SND1: variants seen among roughly 807,000 people sequenced by gnomAD.
SND1 encodes staphylococcal nuclease domain-containing protein 1.
Under a neutral mutation model 121.7 loss-of-function variants are expected in SND1, and 38 were observed. That is an observed-to-expected ratio of 0.31 (90% CI 0.24 to 0.41). The LOEUF (loss-of-function observed/expected upper bound fraction) is 0.41. SND1 is among the 10% of genes least tolerant of loss of function. The pLI is 1.00. For synonymous variants in SND1, 401 were observed against 447.4 expected, an observed-to-expected ratio of 0.90 and a Z score of 1.31; for missense variants, 868 against 1,184.6, an observed-to-expected ratio of 0.73 and a Z score of 3.92.
At chr7:127,980,109 CTTTTTTTTTTTT>C (rs1049614462) in intron 15 of SND1, among the ~76,000 whole-genome samples, 2 of 58,648 alleles carry the variant, frequency 3.4e-5, no homozygotes, top group Admixed American at 1.7e-4. Context: ...TATTCTTTTT[CTTTTTTTTTTTT>C]TTTTTTTTTG....
intron 15 of SND1, among the ~76,000 whole-genome samples, chr7:127,959,225 G>T (rs536930664): frequency 1.3e-5 from 2 of 152,140 alleles, no homozygotes; most frequent in Non-Finnish European, 2.9e-5. Context: ...CTAGACGTCC[G>T]CTGGCAGTCT....
chr7:127,666,252 C>T (rs1216880487), intron 1 of SND1, among the ~76,000 whole-genome samples: 1 of 152,144 alleles, frequency 6.6e-6, no homozygotes, highest in African/African-American at 2.4e-5. Flanking sequence ...ACAAGTAAGG[C>T]GATGTGGGGC....
intron 12 of SND1, among the ~76,000 whole-genome samples, chr7:127,852,674 G>A (rs1406072599): frequency 1.3e-5 from 2 of 152,126 alleles, no homozygotes; most frequent in South Asian, 2.1e-4. Flanking sequence ...AGCTGGGTGT[G>A]GTGGCGCACG....
chr7:127,854,184 G>T (rs1197449467), intron 12 of SND1, among the ~76,000 whole-genome samples: 3 of 152,186 alleles, frequency 2.0e-5, no homozygotes, highest in Non-Finnish European at 4.4e-5. Flanking sequence ...GAGTGCAGGG[G>T]TGTGATCTCA....
At chr7:128,040,458 A>AAG in intron 16 of SND1, among the ~76,000 whole-genome samples, 1 of 148,698 alleles carries the variant, frequency 6.7e-6, no homozygotes, top group Non-Finnish European at 1.5e-5. Flanking sequence ...AAAAAAAAAA[A>AAG]AAAAAAAAGA....
chr7:127,856,550 T>G (rs1373628065), intron 12 of SND1, among the ~76,000 whole-genome samples: 4 of 152,150 alleles, frequency 2.6e-5, no homozygotes, highest in Non-Finnish European at 5.9e-5. Context: ...GTATGTATGG[T>G]AGGATTGGGA....
chr7:127,702,283 T>C (rs1796118470), intron 5 of SND1, 152 bp from the exon 6 acceptor site: 2 of 659,298 alleles, frequency 3.0e-6, no homozygotes, highest in Admixed American at 4.5e-5. Flanking sequence ...ATGTAAACTC[T>C]CATGATCTGC....
At chr7:127,913,234 C>G (rs1002274187) in intron 14 of SND1, among the ~76,000 whole-genome samples, 2 of 152,192 alleles carry the variant, frequency 1.3e-5, no homozygotes, top group African/African-American at 4.8e-5. Flanking sequence ...TAGCATGTCA[C>G]TGTCGTGGAT....
chr7:128,032,352 C>G (rs1208077925), intron 16 of SND1, among the ~76,000 whole-genome samples: 1 of 151,472 alleles, frequency 6.6e-6, no homozygotes, highest in Non-Finnish European at 1.5e-5. Flanking sequence ...TCCCCGCCCC[C>G]TCTAGACGAG....
chr7:127,880,014 A>G (rs530868195), intron 12 of SND1, among the ~76,000 whole-genome samples: 1 of 152,324 alleles, frequency 6.6e-6, no homozygotes, highest in South Asian at 2.1e-4. Context: ...ATGATCAACC[A>G]CAGTCTGAAA....
At chr7:128,076,835 A>G (rs1001783994) in intron 17 of SND1, among the ~76,000 whole-genome samples, 10 of 152,100 alleles carry the variant, frequency 6.6e-5, no homozygotes, top group Admixed American at 6.5e-4. Context: ...TGTCTGGGGG[A>G]ATCTGAGAAT....
chr7:127,711,898 A>G lies in SND1; in HGVS notation c.1038+4251A>G, dbSNP rs1198404680. Among the ~76,000 whole-genome samples the G allele has an allele frequency of 4.0e-5, 6 of 150,440 alleles. No individual in the cohort carries two copies. The East Asian group carries it at 1.2e-3, about 29-fold the overall frequency. On this transcript the variant is annotated intron_variant, in intron 9 of 23. Transcript: ENST00000354725. ...ACTATTTTAAAAAATAAAGTTTTAT[A>G]CTGACTTCAGAGATAAAAATCATCT...
chr7:127,675,841 A>T (rs1436325527), intron 1 of SND1, among the ~76,000 whole-genome samples: 2 of 152,168 alleles, frequency 1.3e-5, no homozygotes, highest in East Asian at 3.8e-4. Flanking sequence ...ATGTGCGGTT[A>T]GTTCTTCCTG....
intron 11 of SND1, among the ~76,000 whole-genome samples, chr7:127,827,487 T>A (rs1205198474): frequency 6.6e-6 from 1 of 152,210 alleles, no homozygotes; most frequent in African/African-American, 2.4e-5. Context: ...TTGTTTAGCT[T>A]CTGTGAATGA....
At chr7:127,671,525 C>A (rs922962279) in intron 1 of SND1, among the ~76,000 whole-genome samples, 1 of 152,176 alleles carries the variant, frequency 6.6e-6, no homozygotes, top group Non-Finnish European at 1.5e-5. Flanking sequence ...GAGATGGAGT[C>A]TTGCTATGTT....
chr7:127,841,151 C>T (rs564060689), intron 11 of SND1, among the ~76,000 whole-genome samples: 26 of 152,278 alleles, frequency 1.7e-4, no homozygotes, highest in Non-Finnish European at 2.2e-4. Context: ...TTAGCTCTCT[C>T]TCTGGGTTGA....
chr7:127,715,272 C>T (rs999889979), intron 9 of SND1, among the ~76,000 whole-genome samples: 5 of 151,844 alleles, frequency 3.3e-5, no homozygotes, highest in African/African-American at 9.7e-5. Context: ...TTTTCCTGTG[C>T]ATTTGCATAT....
At position 128,078,322 on chromosome 7, in the gene SND1, G is replaced by T. The variant is rs1237873416; in HGVS notation, c.1969-3038G>T. Among the ~76,000 whole-genome samples, 3 of 152,362 alleles carry T rather than the reference G, an allele frequency of 2.0e-5. No homozygotes were observed. The East Asian group carries it at 5.8e-4, about 29-fold the overall frequency. Reference sequence around the variant, plus strand: ...GGGAACCGTCATGGCTGCACTGCCTGAAGGGCCAAAGGTCAGCCTCTCCTA... The same window carrying T: ...GGGAACCGTCATGGCTGCACTGCCTTAAGGGCCAAAGGTCAGCCTCTCCTA... On this transcript the variant is annotated intron_variant, in intron 17 of 23. Coordinates refer to ENST00000354725, the MANE Select transcript of SND1 (RefSeq NM_014390.4).
chr7:127,932,545 T>A (rs1385673351), intron 15 of SND1, among the ~76,000 whole-genome samples: 1 of 152,228 alleles, frequency 6.6e-6, no homozygotes, highest in Non-Finnish European at 1.5e-5. Flanking sequence ...GCATCAGGGT[T>A]TGAGAGAATG....
Sources: gnomAD v4.1 joint callset for allele counts (sites outside exome capture counted in the v4.1 genomes callset) on GRCh38, gnomAD v4.1.1 for gene constraint, MANE v1.5 for transcripts, NCBI Gene and HGNC (gene_info 2026-07-23, HGNC 2026-07-21) for gene names.